Variants in ITPRID1 observed in about 807,000 individuals in gnomAD.
The protein encoded by ITPRID1 is ITPR interacting domain containing 1, also known as protein ITPRID1.
In ITPRID1, 96 loss-of-function variants were observed where a neutral mutation model predicts 95.4. The observed-to-expected ratio is 1.01, with a 90% CI of 0.85 to 1.19. ITPRID1 has a LOEUF of 1.19. Ranked by LOEUF, ITPRID1 falls within the 50% of genes most tolerant of loss-of-function variation. The probability of loss-of-function intolerance (pLI) is 0.00; values close to 1 mark genes in which losing one functional copy is unlikely to be tolerated. For missense variants in ITPRID1, 1,339 were observed against 1,252.9 expected (o/e 1.07, Z -1.04); for synonymous variants, 510 against 453.6 (o/e 1.12, Z -1.58).
chr7:31,602,000 G>A (rs957196962), intron 10 of ITPRID1, among the ~76,000 whole-genome samples: 2 of 151,636 alleles, frequency 1.3e-5, no homozygotes, highest in African/African-American at 4.8e-5. Flanking sequence ...CCATAATGTA[G>A]TCTCTGGCTG....
intron 5 of ITPRID1, among the ~76,000 whole-genome samples, chr7:31,556,708 G>T (rs767735332): frequency 1.3e-5 from 2 of 152,098 alleles, no homozygotes; most frequent in Non-Finnish European, 2.9e-5. Context: ...AGGAAGAAAA[G>T]AAGTCACTTT....
intron 1 of ITPRID1, chr7:31,529,899 A>C: frequency 8.6e-7 from 1 of 1,162,396 alleles, no homozygotes; most frequent in Non-Finnish European, 1.2e-6. Context: ...GTCTGCTCTC[A>C]TTTTCTCTCA....
intron 10 of ITPRID1, among the ~76,000 whole-genome samples, chr7:31,588,441 G>A (rs1478730359): frequency 6.6e-6 from 1 of 151,734 alleles, no homozygotes; most frequent in Non-Finnish European, 1.5e-5. Context: ...TACCAGCCTG[G>A]CCAATACGGT....
At chr7:31,562,525 G>C (rs1186281759) in intron 5 of ITPRID1, among the ~76,000 whole-genome samples, 1 of 152,052 alleles carries the variant, frequency 6.6e-6, no homozygotes, top group Non-Finnish European at 1.5e-5. Context: ...TAAATTTTCT[G>C]GTCTATTTTA....
Position 31,519,620 on chromosome 7 carries a change from C to CTCTCCATATATATATATATATATATATA in ITPRID1, c.-98+5501_-98+5502insCTCCATATATATATATATATATATATAT. On this transcript the variant is annotated intron_variant, in intron 1 of 14. Transcript: ENST00000615280. ...TCTCTCTCTCTCTCTCTCTCTCTCT[C>CTCTCCATATATATATATATATATATATA]TATATATATATATATATATATATAT... is the stretch of plus-strand genomic sequence containing the variant. Among the ~76,000 whole-genome samples, 23 of 25,270 alleles carry CTCTCCATATATATATATATATATATATA rather than the reference C, an allele frequency of 9.1e-4. 2 individuals carry two copies. In the East Asian group the frequency reaches 0.012, roughly 13 times the overall value. The allele number at this position is 25,270 out of a possible 152,430, so 16.6% of individuals were successfully genotyped here.
chr7:31,657,522 A>G (rs544575911), downstream of ITPRID1, among the ~76,000 whole-genome samples: 2 of 152,310 alleles, frequency 1.3e-5, no homozygotes, highest in South Asian at 4.2e-4. Flanking sequence ...GATGAGTTCC[A>G]CCACATAGGA....
chr7:31,549,600 A>C, intron 2 of ITPRID1, 101 bp downstream of exon 2: 1 of 862,944 alleles, frequency 1.2e-6, no homozygotes, highest in South Asian at 2.4e-5. Flanking sequence ...TTATCAGAAA[A>C]GTTTGAAAAT....
At chr7:31,615,469 C>T (rs1787114717) in intron 10 of ITPRID1, among the ~76,000 whole-genome samples, 1 of 152,092 alleles carries the variant, frequency 6.6e-6, no homozygotes, top group African/African-American at 2.4e-5. Flanking sequence ...GTTATTAGTA[C>T]TATGGACGCA....
At chr7:31,610,707 T>C (rs1562606270) in intron 10 of ITPRID1, among the ~76,000 whole-genome samples, 1 of 151,604 alleles carries the variant, frequency 6.6e-6, no homozygotes, top group Non-Finnish European at 1.5e-5. Context: ...TTGTCTTTAT[T>C]AACAATTTTT....
chr7:31,651,830 T>A, intron 13 of ITPRID1, 109 bp from the exon 14 acceptor site: 1 of 683,954 alleles, frequency 1.5e-6, no homozygotes, highest in Non-Finnish European at 2.5e-6. Context: ...AAAGATGACA[T>A]TCTCTTTTAA....
At chr7:31,515,498 CTGAGAGGCAGAGTTTGCAG>C (rs1783015545) in intron 1 of ITPRID1, among the ~76,000 whole-genome samples, 1 of 152,112 alleles carries the variant, frequency 6.6e-6, no homozygotes, top group African/African-American at 2.4e-5. Context: ...TCGCTTGAAC[CTGAGAGGCAGAGTTTGCAG>C]TGAGCTGAGA....
At chr7:31,589,914 T>C (rs1785787560) in intron 10 of ITPRID1, among the ~76,000 whole-genome samples, 1 of 152,090 alleles carries the variant, frequency 6.6e-6, no homozygotes, top group Non-Finnish European at 1.5e-5. Context: ...TGAACAAAGA[T>C]ACCTACAAGA....
chr7:31,658,237 A>C (rs1266472838), downstream of ITPRID1: 10 of 1,470,132 alleles, frequency 6.8e-6, no homozygotes, highest in Middle Eastern at 1.8e-4. Flanking sequence ...ATGTTGCATT[A>C]GGTTTTGTTT....
intron 10 of ITPRID1, among the ~76,000 whole-genome samples, chr7:31,598,694 C>T (rs906829098): frequency 7.2e-5 from 11 of 152,028 alleles, no homozygotes; most frequent in African/African-American, 2.2e-4. Flanking sequence ...TGAGCCACCG[C>T]GCTCGGTCTA....
chr7:31,599,587 TTCTTTCTTTC>T (rs1213370878), intron 10 of ITPRID1, among the ~76,000 whole-genome samples: 1 of 41,562 alleles, frequency 2.4e-5, no homozygotes, highest in African/African-American at 8.3e-5. Context: ...TTGTGTTATT[TTCTTTCTTTC>T]TTTCTTTCTT....
chr7:31,572,502 A>G (rs1303030095), intron 7 of ITPRID1, among the ~76,000 whole-genome samples: 1 of 152,188 alleles, frequency 6.6e-6, no homozygotes, highest in African/African-American at 2.4e-5. Flanking sequence ...CATATTTTTT[A>G]AGATTAAAAA....
chr7:31,522,042 A>G lies in ITPRID1; in HGVS notation c.-98+7922A>G, dbSNP rs184042769. Among the ~76,000 whole-genome samples, 896 of 152,030 alleles carry G rather than the reference A, an allele frequency of 5.9e-3. 6 individuals are homozygous for G. The highest frequency in any genetic ancestry group is 0.019 in the African/African-American group (778 of 41,458). On this transcript the variant is annotated intron_variant, in intron 1 of 14. Transcript: ENST00000615280. ...AGCAAAAACCAGAAGTTTCAACAAA[A>G]GATTTTTATTTTCTTACCCCAAAAT...
intron 10 of ITPRID1, among the ~76,000 whole-genome samples, chr7:31,616,630 A>AC: frequency 6.6e-6 from 1 of 152,308 alleles, no homozygotes; most frequent in South Asian, 2.1e-4. Flanking sequence ...TTTAGAAATA[A>AC]ATAGTATCTT....
chr7:31,652,719 T>C lies in ITPRID1; in HGVS notation c.3025T>C (p.Leu1009=), dbSNP rs1583762219. 6.2e-7 allele frequency: 1 copy of C among 1,613,966 alleles called. No individual in the cohort carries two copies. The highest frequency in any genetic ancestry group is 1.3e-5 in the African/African-American group (1 of 75,048). ...TQLAAFTPPT[L]ENSTRMSPSS... is the part of the protein sequence containing the mutation. ...GTTGGCTGCCTTCACTCCACCCACC[T>C]TGGAGAACAGCACCAGGATGTCTCC... Residue 1009 remains leucine (L), a synonymous_variant, in exon 15 of 15, where the codon TTG becomes CTG. Transcript: ENST00000615280.
Sources: allele counts gnomAD v4.1 joint callset (sites outside exome capture counted in the v4.1 genomes callset), GRCh38; gene constraint gnomAD v4.1.1; transcripts MANE v1.5; gene names NCBI Gene and HGNC (gene_info 2026-07-23, HGNC 2026-07-21).